FHIT: variants seen among roughly 807,000 people sequenced by gnomAD.
The protein encoded by FHIT is fragile histidine triad diadenosine triphosphatase.
FHIT carries 19 observed loss-of-function variants against 17.9 expected under a neutral mutation model. The observed-to-expected ratio is 1.06, with a 90% CI of 0.74 to 1.56. FHIT has a LOEUF of 1.56. Among genes scored for constraint, FHIT ranks in the 40% most tolerant of loss-of-function variants. The pLI is 0.00. For missense variants in FHIT, 248 were observed against 189.2 expected, an observed-to-expected ratio of 1.31 and a Z score of -1.82; for synonymous variants, 81 against 69.7, an observed-to-expected ratio of 1.16 and a Z score of -0.81.
intron 5 of FHIT, among the ~76,000 whole-genome samples, chr3:60,112,062 A>G (rs1199176793): frequency 3.3e-5 from 5 of 152,230 alleles, no homozygotes; most frequent in Non-Finnish European, 5.9e-5. Context: ...GGCTCAGTGA[A>G]GCTAAGTATG....
At chr3:59,788,446 G>A (rs140354844) in intron 8 of FHIT, among the ~76,000 whole-genome samples, 16 of 152,206 alleles carry the variant, frequency 1.1e-4, no homozygotes, top group African/African-American at 2.9e-4. Flanking sequence ...GACTGGCTCC[G>A]TGCCACCCTT....
intron 3 of FHIT, among the ~76,000 whole-genome samples, chr3:60,938,492 T>C (rs1361909255): frequency 6.6e-6 from 1 of 152,196 alleles, no homozygotes; most frequent in African/African-American, 2.4e-5. Flanking sequence ...AGTCTACGAT[T>C]TGCAGTATAG....
intron 3 of FHIT, among the ~76,000 whole-genome samples, chr3:61,029,812 C>T (rs2107664661): frequency 6.6e-6 from 1 of 152,162 alleles, no homozygotes; most frequent in East Asian, 1.9e-4. Context: ...AGAGGAACTG[C>T]TTGGTCTATT....
intron 4 of FHIT, among the ~76,000 whole-genome samples, chr3:60,546,122 T>C (rs1408667361): frequency 6.6e-6 from 1 of 152,226 alleles, no homozygotes; most frequent in Non-Finnish European, 1.5e-5. Flanking sequence ...TAAAATACTA[T>C]AGCATCTTGT....
chr3:60,441,953 G>A (rs1029872193), intron 5 of FHIT, among the ~76,000 whole-genome samples: 2 of 149,020 alleles, frequency 1.3e-5, no homozygotes, highest in Non-Finnish European at 3.0e-5. Flanking sequence ...CAAACTCCTG[G>A]GCTCAAGTAA....
intron 8 of FHIT, among the ~76,000 whole-genome samples, chr3:59,762,164 T>C (rs1042003316): frequency 1.3e-5 from 2 of 152,034 alleles, no homozygotes; most frequent in Non-Finnish European, 2.9e-5. Flanking sequence ...AAAGGGAGGA[T>C]CCGCATCCTG....
intron 5 of FHIT, among the ~76,000 whole-genome samples, chr3:60,302,173 T>C (rs1186989263): frequency 6.6e-6 from 1 of 152,178 alleles, no homozygotes; most frequent in African/African-American, 2.4e-5. Flanking sequence ...TGTTTTCCTT[T>C]TTGAAGATAT....
At chr3:60,825,981 C>A (rs967239833) in intron 3 of FHIT, among the ~76,000 whole-genome samples, 11 of 152,002 alleles carry the variant, frequency 7.2e-5, no homozygotes, top group Admixed American at 4.6e-4. Context: ...TCAATAACTT[C>A]TTTAAAAAGG....
intron 2 of FHIT, among the ~76,000 whole-genome samples, chr3:61,082,098 C>T (rs6804386): frequency 0.018 from 2,689 of 151,766 alleles, 89 homozygotes; most frequent in African/African-American, 0.061. Context: ...AAAAAAAGTG[C>T]TTATTGAAAT....
chr3:60,657,822 T>C (rs545144407), intron 4 of FHIT, among the ~76,000 whole-genome samples: 307 of 152,322 alleles, frequency 2.0e-3, no homozygotes, highest in African/African-American at 6.3e-3. Flanking sequence ...TTTAATCACA[T>C]GGCCTGCCTT....
At chr3:59,985,836 C>T (rs1024375047) in intron 7 of FHIT, among the ~76,000 whole-genome samples, 1 of 152,094 alleles carries the variant, frequency 6.6e-6, no homozygotes. Context: ...CAGGTGTCCA[C>T]TCAGTCATGA....
At chr3:60,548,717 T>A (rs1347561145) in intron 4 of FHIT, among the ~76,000 whole-genome samples, 3 of 151,714 alleles carry the variant, frequency 2.0e-5, no homozygotes, top group Non-Finnish European at 4.4e-5. Flanking sequence ...TGCATAAACC[T>A]GTATTTTAAC....
chr3:60,830,181 G>A (rs940970786), intron 3 of FHIT, among the ~76,000 whole-genome samples: 5 of 151,914 alleles, frequency 3.3e-5, no homozygotes, highest in East Asian at 1.9e-4. Context: ...TATCTTCCAC[G>A]TGTACATGAG....
intron 5 of FHIT, among the ~76,000 whole-genome samples, chr3:60,350,697 T>A (rs937021701): frequency 6.6e-6 from 1 of 152,106 alleles, no homozygotes; most frequent in Non-Finnish European, 1.5e-5. Context: ...AAAACCTATT[T>A]TTTTCTTTTT....
At chr3:59,901,937 A>C (rs1468044297) in intron 8 of FHIT, among the ~76,000 whole-genome samples, 1 of 152,228 alleles carries the variant, frequency 6.6e-6, no homozygotes, top group Non-Finnish European at 1.5e-5. Context: ...CTAGCCATAC[A>C]ATGGAATATT....
At chr3:59,794,809 G>A (rs1699710531) in intron 8 of FHIT, among the ~76,000 whole-genome samples, 1 of 152,212 alleles carries the variant, frequency 6.6e-6, no homozygotes, top group African/African-American at 2.4e-5. Flanking sequence ...GCTAGGCCTA[G>A]TTTCCTCCAA....
intron 2 of FHIT, among the ~76,000 whole-genome samples, chr3:61,126,239 C>T (rs944731502): frequency 6.9e-6 from 1 of 145,124 alleles, no homozygotes; most frequent in Non-Finnish European, 1.5e-5. Flanking sequence ...GGAAACAAGA[C>T]AGAAAACAAA....
intron 5 of FHIT, among the ~76,000 whole-genome samples, chr3:60,521,328 A>C (rs930707153): frequency 1.3e-5 from 2 of 152,040 alleles, no homozygotes; most frequent in Admixed American, 6.5e-5. Context: ...GCTCACTGCA[A>C]GCTCCGCCTC....
rs577082389 is a variant in FHIT at position 60,374,738 on chromosome 3, CAT to C, written c.103+162120_103+162121del. Among the ~76,000 whole-genome samples, 109 of 152,032 alleles carry C rather than the reference CAT, an allele frequency of 7.2e-4. No individual in the cohort carries two copies. The Middle Eastern group carries it at 0.01, about 14-fold the overall frequency. Reference sequence around the variant, plus strand: ...GCAGCCCGAAGTCAAGATCAAATTGCATACTCAATTTTTCCACCAACATTTAG... The same window carrying C: ...GCAGCCCGAAGTCAAGATCAAATTGCACTCAATTTTTCCACCAACATTTAG... On this transcript the variant is annotated intron_variant, in intron 5 of 9. Transcript: ENST00000492590.
Sources: allele counts gnomAD v4.1 joint callset (sites outside exome capture counted in the v4.1 genomes callset), GRCh38; gene constraint gnomAD v4.1.1; transcripts MANE v1.5; gene names NCBI Gene and HGNC (gene_info 2026-07-23, HGNC 2026-07-21).